ANKRD16: variants seen among roughly 807,000 people sequenced by gnomAD.
The protein encoded by ANKRD16 is ankyrin repeat domain 16, also known as ankyrin repeat domain-containing protein 16.
Under a neutral mutation model 37.9 loss-of-function variants are expected in ANKRD16, and 35 were observed. The ratio of observed to expected loss-of-function variants is 0.92; its 90% CI spans 0.71 to 1.23. ANKRD16 has a LOEUF of 1.23. ANKRD16 is among the 50% of genes most tolerant of loss of function. The pLI, the probability that ANKRD16 is intolerant of heterozygous loss-of-function variation, is 0.00. For missense variants in ANKRD16, 480 were observed against 469.9 expected, an observed-to-expected ratio of 1.02 and a Z score of -0.20; for synonymous variants, 206 against 197.2, an observed-to-expected ratio of 1.04 and a Z score of -0.37.
chr10:5,865,261 C>T lies in ANKRD16; in HGVS notation c.*34-2570G>A, dbSNP rs1227307347. Among the ~76,000 whole-genome samples, 1 of 152,224 alleles carries T rather than the reference C, an allele frequency of 6.6e-6. No homozygotes were observed. The highest frequency in any genetic ancestry group is 1.5e-5 in the Non-Finnish European group (1 of 68,038). ...TGTCCAACAAGAAACAAGCTGCCCC[C>T]TCGCCCATGTCCACTATGCCGAGGC... On this transcript the variant is annotated intron_variant, in intron 7 of 7. Coordinates refer to ENST00000380094, the MANE Select transcript of ANKRD16 (RefSeq NM_019046.3). This position sits in a 1 kb window ranked among gnomAD's most constrained non-coding sequence, Gnocchi z 4.7.
chr10:5,883,235 T>C, intron 4 of ANKRD16, 68 bp from the exon 5 acceptor site: 2 of 1,535,154 alleles, frequency 1.3e-6, no homozygotes, highest in Non-Finnish European at 1.8e-6. Context: ...GATCTGGGCA[T>C]CTGCTGGCAC....
Position 5,878,878 on chromosome 10 carries a change from G to A in ANKRD16, c.929-591C>T, listed in dbSNP as rs1211724919. Among the ~76,000 whole-genome samples the A allele has an allele frequency of 6.6e-6, 1 of 152,132 alleles. No homozygotes were observed. The highest frequency in any genetic ancestry group is 1.5e-5 in the Non-Finnish European group (1 of 68,014). ...TAGGATACATCCTCTTCATACGCCT[G>A]AATGCTCTGGAAACACACTTTAAAT... is the stretch of plus-strand genomic sequence containing the variant. On this transcript the variant is annotated intron_variant, in intron 6 of 7. Transcript: ENST00000380094. This position sits in a 1 kb window ranked among gnomAD's most constrained non-coding sequence, Gnocchi z 5.1.
At position 5,884,070 on chromosome 10, in the gene ANKRD16, A is replaced by G; in HGVS notation, c.586T>C (p.Tyr196His). ...AVKVLLKRCQ[Y>H]EPDYRDNCGV... ...CAGTTGTCTCTGTAGTCTGGTTCAT[A>G]TTGGCACCTAGAGCCAAAACCCCAA... The change falls in exon 4 of 8, where the codon TAT becomes CAT. Residue 196 changes from tyrosine (Y) to histidine (H), a missense_variant. Physicochemically the swap from Tyr to His is moderately conservative, Grantham distance 83. Coordinates refer to ENST00000380094, the MANE Select transcript of ANKRD16 (RefSeq NM_019046.3). The G allele has an allele frequency of 1.2e-6, 2 of 1,613,856 alleles. No individual in the cohort carries two copies. The highest frequency in any genetic ancestry group is 1.7e-6 in the Non-Finnish European group (2 of 1,179,982).
Position 5,888,010 on chromosome 10 carries a change from C to T in ANKRD16, c.372G>A (p.Val124=), listed in dbSNP as rs773274929. Residue 124 remains valine (V), a synonymous_variant, in exon 2 of 8, where the codon GTG becomes GTA. Transcript: ENST00000380094. The part of the protein sequence containing the change: ...RKNLGVIQEL[V]EHGANPLLKN... ...TCAGGAGTGGATTGGCGCCATGTTC[C>T]ACCAGCTCCTGGATCACCCCCAGGT... The T allele has an allele frequency of 7.4e-6, 12 of 1,614,182 alleles. No homozygotes were observed. In the South Asian group the frequency reaches 1.3e-4, roughly 18 times the overall value.
intron 3 of ANKRD16, among the ~76,000 whole-genome samples, chr10:5,884,795 C>T (rs1842389416): frequency 6.6e-6 from 1 of 150,752 alleles, no homozygotes; most frequent in Non-Finnish European, 1.5e-5. Context: ...ATTCATTCTC[C>T]CACCCCTTCA....
At chr10:5,888,100 G>A in intron 1 of ANKRD16, 33 bp from the exon 2 acceptor site, 1 of 1,600,286 alleles carries the variant, frequency 6.2e-7, no homozygotes, top group Non-Finnish European at 8.6e-7. Context: ...GTCAGATGGA[G>A]GCAGCTGAGA....
chr10:5,884,411 C>T (rs1330347081), intron 3 of ANKRD16, among the ~76,000 whole-genome samples: 1 of 152,172 alleles, frequency 6.6e-6, no homozygotes, highest in Non-Finnish European at 1.5e-5. Flanking sequence ...CCCCATCCTT[C>T]AATTCCACAG....
intron 5 of ANKRD16, 148 bp downstream of exon 5, chr10:5,882,858 G>C (rs572029629): frequency 3.7e-6 from 3 of 817,412 alleles, no homozygotes; most frequent in Non-Finnish European, 5.4e-6. Flanking sequence ...GAGATAAAGC[G>C]CTTCAGAATC....
intron 3 of ANKRD16, among the ~76,000 whole-genome samples, chr10:5,885,330 G>A (rs112359331): frequency 0.037 from 5,661 of 151,990 alleles, 283 homozygotes; most frequent in African/African-American, 0.11. Flanking sequence ...ACAGGCGCCC[G>A]CCACCACGCC....
rs144623395 is a variant in ANKRD16 at position 5,866,278 on chromosome 10, A to G, written c.*34-3587T>C. 4.5e-3 allele frequency among the ~76,000 whole-genome samples: 688 copies of G among 152,340 alleles called. 5 individuals are homozygous for G. The highest frequency in any genetic ancestry group is 8.1e-3 in the Non-Finnish European group (549 of 68,032). ...CATGACTGCCAACAAGTTATAGTCC[A>G]GACTTATGCTGCCCGAGATGAATTC... On this transcript the variant is annotated intron_variant, in intron 7 of 7. Coordinates refer to ENST00000380094, the MANE Select transcript of ANKRD16 (RefSeq NM_019046.3). This position sits in a 1 kb window ranked among gnomAD's most constrained non-coding sequence, Gnocchi z 4.3.
In ANKRD16 at chr10:5,881,438, T is replaced by TTATAAAAATATATATATATA. The variant is rs1422263395; in HGVS notation, c.850-1063_850-1062insTATATATATATATTTTTATA. On this transcript the variant is annotated intron_variant, in intron 5 of 7. Coordinates refer to ENST00000380094, the MANE Select transcript of ANKRD16 (RefSeq NM_019046.3). ...ATATTTTATAAAATAAAAATATTAT[T>TTATAAAAATATATATATATA]TATATATATATATATATATATATAT... Among the ~76,000 whole-genome samples the TTATAAAAATATATATATATA allele has an allele frequency of 9.8e-4, 50 of 51,014 alleles. 1 individual carries two copies. Among genetic ancestry groups the TTATAAAAATATATATATATA allele is most frequent in the South Asian group, 2.5e-3 (4 of 1,604 alleles). 33.5% of individuals were successfully genotyped at this position (51,014 alleles called of 152,430 possible).
chr10:5,880,637 G>C (rs1366690516), intron 5 of ANKRD16, among the ~76,000 whole-genome samples: 2 of 152,048 alleles, frequency 1.3e-5, no homozygotes, highest in African/African-American at 2.4e-5. Context: ...AAAGGAGCAG[G>C]GGGGGGATTA....
In ANKRD16 at chr10:5,866,019, A is replaced by G. The variant is rs1355619216; in HGVS notation, c.*34-3328T>C. Among the ~76,000 whole-genome samples the G allele has an allele frequency of 1.3e-5, 2 of 152,320 alleles. No homozygotes were observed. Among genetic ancestry groups the G allele is most frequent in the African/African-American group, 4.8e-5 (2 of 41,574 alleles). ...GGCCTCACTGTTTATGGGTAGTTGC[A>G]GCGGTGGCCGTCTCAGTGTTAGAGG... On this transcript the variant is annotated intron_variant, in intron 7 of 7. Coordinates refer to ENST00000380094, the MANE Select transcript of ANKRD16 (RefSeq NM_019046.3). This position sits in a 1 kb window ranked among gnomAD's most constrained non-coding sequence, Gnocchi z 4.3.
At position 5,866,310 on chromosome 10, in the gene ANKRD16, G is replaced by C. The variant is rs2131752594; in HGVS notation, c.*34-3619C>G. Among the ~76,000 whole-genome samples, 1 of 152,314 alleles carries C rather than the reference G, an allele frequency of 6.6e-6. No individual in the cohort carries two copies. The highest frequency in any genetic ancestry group is 6.5e-5 in the Admixed American group (1 of 15,298). On this transcript the variant is annotated intron_variant, in intron 7 of 7. Transcript: ENST00000380094. The surrounding 1 kb of genome is among the most constrained non-coding windows in gnomAD (Gnocchi z 4.3). ...TGCTGCCCGAGATGAATTCTTAGAA[G>C]TCCCCTTAGTTAATCCTGACCTTAA...
At chr10:5,873,726 T>A (rs1483062549) in intron 7 of ANKRD16, among the ~76,000 whole-genome samples, 1 of 152,122 alleles carries the variant, frequency 6.6e-6, no homozygotes, top group East Asian at 1.9e-4. Context: ...CTCCCTATAG[T>A]TCCCTCCAGC....
In ANKRD16 at chr10:5,878,785, C is replaced by CA. The variant is rs55672822; in HGVS notation, c.929-499dup. Among the ~76,000 whole-genome samples, 1,856 of 121,302 alleles carry CA rather than the reference C, an allele frequency of 0.015. 18 individuals are homozygous for CA. Among genetic ancestry groups the CA allele is most frequent in the Middle Eastern group, 0.036 (9 of 252 alleles). 79.6% of individuals were successfully genotyped at this position (121,302 alleles called of 152,430 possible). A position where few individuals can be genotyped will look rare whatever the true frequency, so the allele number is the denominator to read the frequency against. ...TGGGTGACAGAGCAAGACTCTGCCT[C>CA]AAAAAAAAAAAAAAAAGAAAAAGAA... On this transcript the variant is annotated intron_variant, in intron 6 of 7. Coordinates refer to ENST00000380094, the MANE Select transcript of ANKRD16 (RefSeq NM_019046.3). The surrounding 1 kb of genome is among the most constrained non-coding windows in gnomAD (Gnocchi z 5.1).
At chr10:5,888,885 A>G (rs1209607281) in intron 1 of ANKRD16, among the ~76,000 whole-genome samples, 156 bp downstream of exon 1, 1 of 152,152 alleles carries the variant, frequency 6.6e-6, no homozygotes, top group African/African-American at 2.4e-5. Context: ...GTTATAAGGG[A>G]AAGTTGGGCA....
At position 5,880,331 on chromosome 10, in the gene ANKRD16, C is replaced by T. The variant is rs759767191; in HGVS notation, c.895G>A (p.Asp299Asn). Residue 299 changes from aspartate (D) to asparagine (N), a missense_variant, in exon 6 of 8, where the codon GAC (aspartate) becomes AAC (asparagine). Coordinates refer to ENST00000380094, the MANE Select transcript of ANKRD16 (RefSeq NM_019046.3). The part of the protein sequence containing the change: ...TIQTLLSLGA[D>N]INSKDEKNRS... ...TTTTTTTCATCTTTAGAATTGATGT[C>T]AGCTCCCAAGGATAAGAGAGTCTGA... 2.5e-6 allele frequency: 4 copies of T among 1,603,200 alleles called. No individual in the cohort carries two copies. In the South Asian group the frequency reaches 4.5e-5, roughly 18 times the overall value.
intron 7 of ANKRD16, among the ~76,000 whole-genome samples, chr10:5,875,062 A>G (rs189862801): frequency 1.3e-5 from 2 of 152,312 alleles, no homozygotes; most frequent in Admixed American, 1.3e-4. Context: ...CGTCACTGGT[A>G]TCTGAAAGGA....
Sources: allele counts gnomAD v4.1 joint callset (sites outside exome capture counted in the v4.1 genomes callset), GRCh38; gene constraint gnomAD v4.1.1; non-coding constraint Gnocchi (gnomAD v3.1); transcripts MANE v1.5; gene names NCBI Gene and HGNC (gene_info 2026-07-23, HGNC 2026-07-21).